Variants in NMNAT1 observed in about 807,000 individuals in gnomAD.
NMNAT1 encodes the protein nicotinamide nucleotide adenylyltransferase 1, also known as nicotinamide/nicotinic acid mononucleotide adenylyltransferase 1.
A neutral mutation model predicts 16.7 loss-of-function variants in NMNAT1; 11 were observed. The observed-to-expected ratio is 0.66, with a 90% CI of 0.41 to 1.09. NMNAT1 has a LOEUF of 1.09. Among genes scored for constraint, NMNAT1 ranks in the 50% least tolerant of loss-of-function variants. The pLI, the probability that NMNAT1 is intolerant of heterozygous loss-of-function variation, is 0.00. For missense variants in NMNAT1, 280 were observed against 332.3 expected, an observed-to-expected ratio of 0.84 and a Z score of 1.22; for synonymous variants, 110 against 119.8, an observed-to-expected ratio of 0.92 and a Z score of 0.53.
At chr1:9,951,456 T>G (rs1442659357) in intron 1 of NMNAT1, among the ~76,000 whole-genome samples, 7 of 129,518 alleles carry the variant, frequency 5.4e-5, no homozygotes, top group African/African-American at 1.4e-4. Flanking sequence ...ACAGCTTCAG[T>G]TTTTTTTTGT....
intron 2 of NMNAT1, among the ~76,000 whole-genome samples, chr1:9,973,066 C>T (rs1570705646): frequency 6.6e-6 from 1 of 152,220 alleles, no homozygotes; most frequent in East Asian, 1.9e-4. Context: ...CTTTAGCATA[C>T]ATAAAACCTC....
chr1:9,986,395 G>A (rs1642045128), downstream of NMNAT1, among the ~76,000 whole-genome samples: 1 of 152,190 alleles, frequency 6.6e-6, no homozygotes. Flanking sequence ...AGGAATGCTA[G>A]AGTCCAATTT....
rs1441854613 is a variant in NMNAT1 at position 9,979,732 on chromosome 1, A to G, written c.300-1299A>G. ...CAGGAGAATGGCGTGAACCTAGGAGACGGAGGTTGCAGTGAGCTGAGATCG... is the reference window on the plus strand; with the variant it reads ...CAGGAGAATGGCGTGAACCTAGGAGGCGGAGGTTGCAGTGAGCTGAGATCG... On this transcript the variant is annotated intron_variant, in intron 3 of 4. Transcript: ENST00000377205. Among the ~76,000 whole-genome samples the G allele has an allele frequency of 6.0e-5, 9 of 150,200 alleles. No homozygotes were observed. In the South Asian group the frequency reaches 1.7e-3, roughly 28 times the overall value.
intron 4 of NMNAT1, 47 bp downstream of exon 4, chr1:9,981,217 T>C (rs778918445): frequency 6.3e-7 from 1 of 1,578,130 alleles, no homozygotes; most frequent in East Asian, 2.3e-5. Context: ...GATAAGATTC[T>C]GTAGCTGAGC....
intron 1 of NMNAT1, among the ~76,000 whole-genome samples, chr1:9,961,377 G>C (rs945356137): frequency 6.6e-6 from 1 of 152,108 alleles, no homozygotes; most frequent in African/African-American, 2.4e-5. Context: ...GTTGTCTGAC[G>C]CCAGCTGTCT....
downstream of NMNAT1, among the ~76,000 whole-genome samples, chr1:9,988,703 C>CAA (rs747744372): frequency 7.2e-3 from 486 of 67,182 alleles, 4 homozygotes; most frequent in African/African-American, 0.018. Flanking sequence ...GACTCCATCT[C>CAA]AAAAAAAAAA....
At chr1:9,960,331 G>A (rs1204843502) in intron 1 of NMNAT1, among the ~76,000 whole-genome samples, 4 of 151,954 alleles carry the variant, frequency 2.6e-5, no homozygotes, top group Non-Finnish European at 4.4e-5. Context: ...TTAATGTTAT[G>A]TTAATATTTA....
chr1:9,961,745 C>T (rs1367243537), intron 1 of NMNAT1, among the ~76,000 whole-genome samples: 2 of 152,150 alleles, frequency 1.3e-5, no homozygotes, highest in Non-Finnish European at 2.9e-5. Context: ...GATCCCACCA[C>T]TGTGCCTTCT....
intron 3 of NMNAT1, 94 bp downstream of exon 3, chr1:9,975,869 A>G: frequency 1.9e-6 from 2 of 1,074,794 alleles, no homozygotes; most frequent in Admixed American, 2.2e-5. Flanking sequence ...ATCTGTGAAC[A>G]TACAGATTTG....
the NMNAT1 span, among the ~76,000 whole-genome samples, chr1:9,994,615 ATTTT>A: frequency 8.1e-6 from 1 of 123,094 alleles, no homozygotes; most frequent in South Asian, 2.7e-4. Flanking sequence ...TATTTTTTGT[ATTTT>A]TTTTTTTTTT....
chr1:9,971,888 T>A, intron 1 of NMNAT1, 130 bp from the exon 2 acceptor site: 1 of 532,438 alleles, frequency 1.9e-6, no homozygotes, highest in Non-Finnish European at 3.4e-6. Flanking sequence ...GAGCATCACT[T>A]GAGCCCAGAA....
the NMNAT1 span, among the ~76,000 whole-genome samples, chr1:9,993,492 G>T: frequency 6.6e-6 from 1 of 151,588 alleles, no homozygotes; most frequent in Non-Finnish European, 1.5e-5. Flanking sequence ...AAAAAGAAAA[G>T]AAAAAAGAAA....
intron 1 of NMNAT1, among the ~76,000 whole-genome samples, chr1:9,964,715 G>A (rs1013052125): frequency 6.6e-6 from 1 of 151,882 alleles, no homozygotes; most frequent in Non-Finnish European, 1.5e-5. Context: ...TTGGGAAGCC[G>A]AGGCAGGCGG....
At chr1:9,957,359 C>T (rs531485098) in intron 1 of NMNAT1, among the ~76,000 whole-genome samples, 16 of 141,010 alleles carry the variant, frequency 1.1e-4, no homozygotes, top group African/African-American at 3.7e-4. Context: ...GAGACGCAGT[C>T]TCACTCTGTT....
intron 1 of NMNAT1, among the ~76,000 whole-genome samples, chr1:9,969,610 G>A (rs1172546501): frequency 6.6e-6 from 1 of 152,110 alleles, no homozygotes; most frequent in Non-Finnish European, 1.5e-5. Context: ...AGTTATCTGG[G>A]TGTGGTGGTG....
At position 9,982,644 on chromosome 1, in the gene NMNAT1, G is replaced by A; in HGVS notation, c.783G>A (p.Arg261=). Residue 261 remains arginine, a synonymous_variant, in exon 5 of 5, where the codon AGG becomes AGA. Transcript: ENST00000377205. The part of the protein sequence containing the change: ...HNLYSSESED[R]NAGVILAPLQ... ...TGTACAGCTCTGAGAGTGAAGACAG[G>A]AATGCTGGGGTCATCCTGGCCCCTT... The A allele has an allele frequency of 6.2e-7, 1 of 1,614,102 alleles. No individual in the cohort carries two copies. The highest frequency in any genetic ancestry group is 1.6e-4 in the Middle Eastern group (1 of 6,062).
At chr1:9,947,545 A>T (rs764141133) in intron 1 of NMNAT1, 1 of 152,256 alleles carries the variant, frequency 6.6e-6, no homozygotes, top group Admixed American at 6.6e-5. Context: ...AGAACCTCCA[A>T]ACAAGCTCTC....
downstream of NMNAT1, among the ~76,000 whole-genome samples, chr1:9,986,540 C>T (rs769766806): frequency 4.6e-5 from 7 of 151,712 alleles, no homozygotes; most frequent in Non-Finnish European, 7.4e-5. Context: ...AAGAACAGCC[C>T]GCGTAACATA....
chr1:9,968,080 G>GTTTTGTTTTTT (rs1553126652), intron 1 of NMNAT1, among the ~76,000 whole-genome samples: 8 of 117,806 alleles, frequency 6.8e-5, no homozygotes, highest in East Asian at 5.3e-4. Context: ...TTTTTTTTTT[G>GTTTTGTTTTTT]TTTTTTTTTG....
Sources: allele counts gnomAD v4.1 joint callset (sites outside exome capture counted in the v4.1 genomes callset), GRCh38; gene constraint gnomAD v4.1.1; transcripts MANE v1.5; gene names NCBI Gene and HGNC (gene_info 2026-07-23, HGNC 2026-07-21).